The following ABCC4 variants were observed in gnomAD, a reference collection of about 807,000 sequenced individuals.
The protein encoded by ABCC4 is ATP binding cassette subfamily C member 4 (PEL blood group).
In ABCC4, 102 loss-of-function variants were observed where a neutral mutation model predicts 168.5. The ratio of observed to expected loss-of-function variants is 0.61; its 90% CI spans 0.52 to 0.71. The LOEUF (loss-of-function observed/expected upper bound fraction) is 0.71. Ranked by LOEUF, ABCC4 falls within the 30% of genes least tolerant of loss-of-function variation. ABCC4 has a pLI of 0.00. For missense variants in ABCC4, 1,402 were observed against 1,605.8 expected, an observed-to-expected ratio of 0.87 and a Z score of 2.17; for synonymous variants, 617 against 590.7, an observed-to-expected ratio of 1.04 and a Z score of -0.65.
At chr13:95,076,700 G>A (rs1333729685) in intron 21 of ABCC4, among the ~76,000 whole-genome samples, 5 of 152,046 alleles carry the variant, frequency 3.3e-5, no homozygotes, top group African/African-American at 1.2e-4. Context: ...CCTGACTTCA[G>A]GTGATCTGCC....
intron 1 of ABCC4, among the ~76,000 whole-genome samples, chr13:95,280,078 G>C (rs1356942408): frequency 2.0e-5 from 3 of 151,986 alleles, no homozygotes; most frequent in Non-Finnish European, 4.4e-5. Flanking sequence ...TCTGACACTG[G>C]CCTGGGCTCC....
intron 11 of ABCC4, among the ~76,000 whole-genome samples, chr13:95,180,507 G>A (rs1003920409): frequency 6.6e-6 from 1 of 151,474 alleles, no homozygotes; most frequent in Non-Finnish European, 1.5e-5. Flanking sequence ...GAGCGAGATC[G>A]CACCATTGCA....
intron 22 of ABCC4, chr13:95,075,016 A>G (rs2033849380): frequency 1.2e-5 from 2 of 162,468 alleles, no homozygotes; most frequent in South Asian, 3.6e-4. Context: ...TTTTGTAAAT[A>G]AAGTTTTATT....
At chr13:95,174,555 T>A (rs752763941) in intron 13 of ABCC4, among the ~76,000 whole-genome samples, 1 of 152,224 alleles carries the variant, frequency 6.6e-6, no homozygotes, top group African/African-American at 2.4e-5. Context: ...TCCAAAGTCA[T>A]TAATCCTTAA....
intron 19 of ABCC4, among the ~76,000 whole-genome samples, chr13:95,133,441 T>C (rs1366539204): frequency 1.3e-5 from 2 of 152,128 alleles, no homozygotes; most frequent in Non-Finnish European, 2.9e-5. Flanking sequence ...AAAAAAACTT[T>C]CCAGCCATCC....
chr13:95,284,376 C>G (rs1477145906), intron 1 of ABCC4, among the ~76,000 whole-genome samples: 1 of 152,022 alleles, frequency 6.6e-6, no homozygotes, highest in African/African-American at 2.4e-5. Flanking sequence ...TTTGTAGAGA[C>G]AAGAGTTTCA....
At chr13:95,040,228 A>C (rs2032295254) in intron 29 of ABCC4, among the ~76,000 whole-genome samples, 1 of 152,084 alleles carries the variant, frequency 6.6e-6, no homozygotes, top group Non-Finnish European at 1.5e-5. Context: ...TTATTCTCCC[A>C]GTGTGTTCAT....
intron 3 of ABCC4, among the ~76,000 whole-genome samples, chr13:95,235,146 C>T (rs929041556): frequency 2.0e-5 from 3 of 152,112 alleles, no homozygotes; most frequent in African/African-American, 7.2e-5. Flanking sequence ...CCACCTCAGC[C>T]TCCCAAAGTG....
At chr13:95,295,408 C>T (rs2138964161) in intron 1 of ABCC4, among the ~76,000 whole-genome samples, 1 of 152,102 alleles carries the variant, frequency 6.6e-6, no homozygotes, top group South Asian at 2.1e-4. Flanking sequence ...CCCCGTAATC[C>T]CAGCACTTTG....
At chr13:95,140,207 C>T (rs1199257331) in intron 19 of ABCC4, among the ~76,000 whole-genome samples, 1 of 152,226 alleles carries the variant, frequency 6.6e-6, no homozygotes, top group Non-Finnish European at 1.5e-5. Flanking sequence ...ACCTACGGGG[C>T]TCTACGTTTC....
chr13:95,197,966 T>C (rs1431404003), intron 8 of ABCC4, among the ~76,000 whole-genome samples: 1 of 152,048 alleles, frequency 6.6e-6, no homozygotes, highest in Admixed American at 6.6e-5. Context: ...AGAAAGACAA[T>C]AGATTAAAGA....
chr13:95,272,348 C>T (rs896128576), intron 1 of ABCC4, among the ~76,000 whole-genome samples: 1 of 152,018 alleles, frequency 6.6e-6, no homozygotes, highest in Non-Finnish European at 1.5e-5. Context: ...CCTCTTTGTG[C>T]ACATAAAGTG....
At chr13:95,096,241 A>G (rs2034594184) in intron 20 of ABCC4, 2 of 594,694 alleles carry the variant, frequency 3.4e-6, no homozygotes, top group Non-Finnish European at 5.9e-6. Context: ...AAGAGAAAGA[A>G]TCAATGACCC....
At chr13:95,276,005 G>A (rs1035014032) in intron 1 of ABCC4, among the ~76,000 whole-genome samples, 11 of 152,072 alleles carry the variant, frequency 7.2e-5, no homozygotes, top group Non-Finnish European at 7.4e-5. Context: ...TGCATATTTA[G>A]AAAGACCTAA....
chr13:95,201,809 C>A (rs772553395), intron 8 of ABCC4, among the ~76,000 whole-genome samples: 1 of 152,062 alleles, frequency 6.6e-6, no homozygotes, highest in Non-Finnish European at 1.5e-5. Context: ...CTTGCCTCTA[C>A]TAAAAATACA....
At chr13:95,097,569 T>G (rs549816951) in intron 20 of ABCC4, among the ~76,000 whole-genome samples, 1 of 139,126 alleles carries the variant, frequency 7.2e-6, no homozygotes, top group South Asian at 2.4e-4. Flanking sequence ...AACTCTATAC[T>G]CCACAGCTAC....
At chr13:95,050,289 C>T (rs971816285) in intron 27 of ABCC4, among the ~76,000 whole-genome samples, 16 of 152,222 alleles carry the variant, frequency 1.1e-4, no homozygotes, top group African/African-American at 3.6e-4. Flanking sequence ...AGAATGCCCC[C>T]AGCCTCCATC....
At chr13:95,032,653 T>C (rs1326695216) in intron 30 of ABCC4, among the ~76,000 whole-genome samples, 1 of 122,768 alleles carries the variant, frequency 8.1e-6, no homozygotes, top group Admixed American at 7.9e-5. Flanking sequence ...TGGGAACATA[T>C]TTTCTTTTTC....
intron 29 of ABCC4, among the ~76,000 whole-genome samples, chr13:95,036,848 C>G (rs1436174902): frequency 2.6e-5 from 4 of 152,072 alleles, no homozygotes; most frequent in African/African-American, 9.7e-5. Context: ...CTTTGGGAGG[C>G]CAAGGCAGGT....
Sources: allele counts gnomAD v4.1 joint callset (sites outside exome capture counted in the v4.1 genomes callset), GRCh38; gene constraint gnomAD v4.1.1; transcripts MANE v1.5; gene names NCBI Gene and HGNC (gene_info 2026-07-23, HGNC 2026-07-21).